UBAP2: variants seen among roughly 807,000 people sequenced by gnomAD.
UBAP2 encodes the protein ubiquitin associated protein 2.
Under a neutral mutation model 139.6 loss-of-function variants are expected in UBAP2, and 75 were observed. The ratio of observed to expected loss-of-function variants is 0.54; its 90% confidence interval spans 0.45 to 0.65. The LOEUF (loss-of-function observed/expected upper bound fraction) is 0.65. Ranked by LOEUF, UBAP2 falls within the 30% of genes least tolerant of loss-of-function variation. The pLI, the probability that UBAP2 is intolerant of heterozygous loss-of-function variation, is 0.00. For missense variants in UBAP2, 1,368 were observed against 1,369.6 expected, an observed-to-expected ratio of 1.00 and a Z score of 0.02; for synonymous variants, 526 against 526.2, an observed-to-expected ratio of 1.00 and a Z score of 0.01.
chr9:33,979,788 A>T (rs1424771263), intron 6 of UBAP2, among the ~76,000 whole-genome samples: 2 of 152,034 alleles, frequency 1.3e-5, no homozygotes, highest in Non-Finnish European at 2.9e-5. Flanking sequence ...GAATTGCTTG[A>T]ACCCCGGAGG....
rs1352547200 is a variant in UBAP2, at chr9:33,922,996, A to G, written c.3042T>C (p.Asp1014=). ...TCTTATTGTAGACAGAACCAGTCATATCAGGTAGACCAGTGGTGCTTGAAG... is the reference window on the plus strand; with the variant it reads ...TCTTATTGTAGACAGAACCAGTCATGTCAGGTAGACCAGTGGTGCTTGAAG... ...SVSSSTTGLP[D]MTGSVYNKTQ... The change falls in exon 27 of 29, where the codon GAT becomes GAC. Residue 1014 remains aspartate, a synonymous_variant. Coordinates refer to ENST00000379238, the MANE Select transcript of UBAP2 (RefSeq NM_001370062.2). The G allele has an allele frequency of 6.2e-7, 1 of 1,614,158 alleles. No individual in the cohort carries two copies. The highest frequency in any genetic ancestry group is 1.1e-5 in the South Asian group (1 of 91,080).
At chr9:34,016,170 G>T (rs1399939432) in intron 2 of UBAP2, among the ~76,000 whole-genome samples, 5 of 148,818 alleles carry the variant, frequency 3.4e-5, no homozygotes, top group African/African-American at 1.2e-4. Context: ...GAGAGGAGGA[G>T]GAGGAGGAGG....
intron 10 of UBAP2, among the ~76,000 whole-genome samples, chr9:33,959,702 G>C (rs1368203447): frequency 6.6e-6 from 1 of 152,094 alleles, no homozygotes; most frequent in Non-Finnish European, 1.5e-5. Flanking sequence ...TGCAATAAAG[G>C]AATTTTTTTT....
At chr9:33,989,916 T>A (rs1821552834) in intron 4 of UBAP2, among the ~76,000 whole-genome samples, 1 of 152,182 alleles carries the variant, frequency 6.6e-6, no homozygotes, top group Non-Finnish European at 1.5e-5. Flanking sequence ...AATTTTAGCT[T>A]GGTTTTGGTG....
intron 14 of UBAP2, 109 bp downstream of exon 14, chr9:33,944,255 AT>A: frequency 7.2e-7 from 1 of 1,395,968 alleles, no homozygotes. Flanking sequence ...TCAATAAGCT[AT>A]GTGCTTGAAA....
At chr9:33,978,011 T>TC (rs1443104869) in intron 6 of UBAP2, among the ~76,000 whole-genome samples, 1 of 135,614 alleles carries the variant, frequency 7.4e-6, no homozygotes, top group African/African-American at 2.7e-5. Flanking sequence ...CGAGACTCTG[T>TC]CTTTTAAAAA....
intron 1 of UBAP2, among the ~76,000 whole-genome samples, chr9:34,035,795 C>T (rs1826313284): frequency 6.6e-6 from 1 of 152,092 alleles, no homozygotes; most frequent in African/African-American, 2.4e-5. Context: ...CCAATCCCTA[C>T]ACTTGGTCAA....
chr9:33,922,722 G>C lies in UBAP2; in HGVS notation c.3229C>G (p.Gln1077Glu). The C allele has an allele frequency of 6.4e-7, 1 of 1,551,692 alleles. No individual in the cohort carries two copies. The highest frequency in any genetic ancestry group is 2.2e-5 in the East Asian group (1 of 44,448). The change falls in exon 28 of 29, where the codon CAG becomes GAG. Residue 1077 changes from glutamine to glutamate, a missense_variant. By Grantham distance (29) the Gln-to-Glu change is conservative. Coordinates refer to ENST00000379238, the MANE Select transcript of UBAP2 (RefSeq NM_001370062.2). ...TGCGGAAGGTGGTGGTGCAGCAGCT[G>C]TGAGTGGGGCTGCTGGTGGGCTGGC... is the stretch of plus-strand genomic sequence containing the variant. The part of the protein sequence containing the change: ...ILPAHQQPHS[Q>E]LLHHHLPQDA...
At chr9:34,006,361 G>C (rs1823217501) in intron 2 of UBAP2, among the ~76,000 whole-genome samples, 3 of 151,950 alleles carry the variant, frequency 2.0e-5, no homozygotes, top group Non-Finnish European at 4.4e-5. Flanking sequence ...CTTGTCAAGA[G>C]CAATGCTTTG....
chr9:33,924,040 A>G (rs757591427), intron 23 of UBAP2, 40 bp from the exon 24 acceptor site: 1 of 1,609,364 alleles, frequency 6.2e-7, no homozygotes, highest in Non-Finnish European at 8.5e-7. Flanking sequence ...CCCTTCCTCC[A>G]ACCAGAGAAA....
chr9:33,946,149 A>C (rs972488080), intron 13 of UBAP2, among the ~76,000 whole-genome samples: 2 of 152,204 alleles, frequency 1.3e-5, no homozygotes, highest in Non-Finnish European at 2.9e-5. Flanking sequence ...CATATACTTA[A>C]GTGTTCTTTA....
chr9:33,972,091 G>A (rs995875923), intron 7 of UBAP2, among the ~76,000 whole-genome samples: 6 of 152,132 alleles, frequency 3.9e-5, no homozygotes, highest in Admixed American at 2.0e-4. Flanking sequence ...TGAAAAATAA[G>A]GCATAAATAG....
chr9:33,979,795 G>A (rs1820477636), intron 6 of UBAP2, among the ~76,000 whole-genome samples: 1 of 152,104 alleles, frequency 6.6e-6, no homozygotes. Flanking sequence ...TTGAACCCCG[G>A]AGGCGGAGGT....
intron 2 of UBAP2, among the ~76,000 whole-genome samples, chr9:34,003,517 A>G (rs7039367): frequency 0.81 from 122,542 of 151,616 alleles, 49,616 homozygotes; most frequent in Middle Eastern, 0.87. Context: ...GCGATTCTCC[A>G]GCCTCAGCCT....
chr9:33,944,405 T>A lies in UBAP2; in HGVS notation c.1505A>T (p.His502Leu). 6.2e-7 allele frequency: 1 copy of A among 1,614,068 alleles called. No individual in the cohort carries two copies. Among genetic ancestry groups the A allele is most frequent in the Non-Finnish European group, 8.5e-7 (1 of 1,179,994 alleles). Residue 502 changes from histidine (H) to leucine (L), a missense_variant, in exon 14 of 29, where the codon CAC becomes CTC. By Grantham distance (99) the His-to-Leu change is moderately conservative. Transcript: ENST00000379238. ...SVSVHQPQPK[H>L]IKLAKRRIPP... is the part of the protein sequence containing the mutation. ...TATCCGCCGCTTAGCAAGTTTGATG[T>A]GTTTGGGCTGTGGCTGGTGGACAGA...
intron 2 of UBAP2, among the ~76,000 whole-genome samples, chr9:34,012,084 C>G (rs1823800673): frequency 6.6e-6 from 1 of 152,062 alleles, no homozygotes; most frequent in Non-Finnish European, 1.5e-5. Flanking sequence ...GGAAGTATAC[C>G]TTTTCTAAGA....
chr9:33,946,739 G>A (rs307653), intron 13 of UBAP2, among the ~76,000 whole-genome samples: 2,428 of 152,232 alleles, frequency 0.016, 64 homozygotes, highest in African/African-American at 0.056. Context: ...GGCAGAGCTG[G>A]TTTAGGCGCA....
chr9:34,013,449 C>T (rs1823949768), intron 2 of UBAP2, among the ~76,000 whole-genome samples: 1 of 151,892 alleles, frequency 6.6e-6, no homozygotes, highest in African/African-American at 2.4e-5. Flanking sequence ...TGACATCGCA[C>T]CATTGCACTC....
intron 2 of UBAP2, among the ~76,000 whole-genome samples, chr9:34,003,183 C>T (rs1371012461): frequency 1.3e-5 from 2 of 151,582 alleles, no homozygotes; most frequent in Admixed American, 6.6e-5. Context: ...TACAGGCATG[C>T]CACCACGCCC....
Sources: allele counts gnomAD v4.1 joint callset (sites outside exome capture counted in the v4.1 genomes callset), GRCh38; gene constraint gnomAD v4.1.1; transcripts MANE v1.5; gene names NCBI Gene and HGNC (gene_info 2026-07-23, HGNC 2026-07-21).